The following C12orf76 variants were observed in gnomAD, a reference collection of about 807,000 sequenced individuals.
C12orf76 encodes the protein uncharacterized protein C12orf76.
In C12orf76, 6 loss-of-function variants were observed where a neutral mutation model predicts 6.8. The ratio of observed to expected loss-of-function variants is 0.88; its 90% confidence interval spans 0.48 to 1.73. The LOEUF (loss-of-function observed/expected upper bound fraction) is 1.73. C12orf76 is among the 40% of genes most tolerant of loss of function. The pLI is 0.01. For missense variants in C12orf76, 99 were observed against 98.2 expected, an observed-to-expected ratio of 1.01 and a Z score of -0.03; for synonymous variants, 56 against 43.7, an observed-to-expected ratio of 1.28 and a Z score of -1.11.
At chr12:110,045,825 G>C (rs1216944752) in intron 1 of C12orf76, 1 of 157,004 alleles carries the variant, frequency 6.4e-6, no homozygotes, top group African/African-American at 2.4e-5. Flanking sequence ...CGGGCACGGT[G>C]GTGGGTGCCT....
At chr12:110,059,082 C>A (rs1892725722) in exon 3 of C12orf76, 1 of 1,551,712 alleles carries the variant, frequency 6.4e-7, no homozygotes, top group African/African-American at 1.4e-5. Flanking sequence ...TGAACGCAGC[C>A]ATCTGGCTCC....
At position 110,042,309 on chromosome 12, in the gene C12orf76, C is replaced by T; in HGVS notation, c.*65G>A. The T allele has an allele frequency of 3.7e-6, 5 of 1,366,438 alleles. No individual in the cohort carries two copies. The highest frequency in any genetic ancestry group is 5.2e-6 in the Non-Finnish European group (5 of 957,178). 84.6% of individuals were successfully genotyped at this position (1,366,438 alleles called of 1,614,324 possible). On this transcript the variant is annotated 3_prime_UTR_variant, in exon 2 of 2. Coordinates refer to ENST00000615315, the MANE Select transcript of C12orf76 (RefSeq NM_001389625.1). ...AGGAAAGTTTTGGTTCCAACTTCTC[C>T]ACTGGCCTGTGTGCAACACAACTTA...
intron 1 of C12orf76, among the ~76,000 whole-genome samples, chr12:110,066,910 G>A (rs778680622): frequency 5.9e-5 from 9 of 152,146 alleles, no homozygotes; most frequent in Admixed American, 2.0e-4. Context: ...TCTCCATGGC[G>A]ACGGCCAGCC....
chr12:110,059,292 T>C, intron 2 of C12orf76: 2 of 1,146,694 alleles, frequency 1.7e-6, no homozygotes, highest in Non-Finnish European at 2.4e-6. Flanking sequence ...ATTCTCCATA[T>C]ATGGGATTGT....
chr12:110,071,815 G>A (rs1308168019), upstream of C12orf76, among the ~76,000 whole-genome samples: 1 of 152,132 alleles, frequency 6.6e-6, no homozygotes, highest in Non-Finnish European at 1.5e-5. Flanking sequence ...AATAACAAGA[G>A]TTGGTGAGGA....
At chr12:110,066,826 T>TGGCCACCCACTGGGAAATAGGTGTCC (rs1892875059) in intron 1 of C12orf76, among the ~76,000 whole-genome samples, 1 of 152,190 alleles carries the variant, frequency 6.6e-6, no homozygotes. Flanking sequence ...CACAGGTGTG[T>TGGCCACCCACTGGGAAATAGGTGTCC]GGCCACCCAC....
At chr12:110,057,445 C>T (rs767987846) in intron 3 of C12orf76, 13 of 624,236 alleles carry the variant, frequency 2.1e-5, no homozygotes, top group Non-Finnish European at 2.9e-5. Context: ...GCCTGCAGTG[C>T]GGCACGGAGA....
chr12:110,062,693 C>G (rs1038013829), intron 2 of C12orf76, among the ~76,000 whole-genome samples: 1 of 150,520 alleles, frequency 6.6e-6, no homozygotes, highest in Non-Finnish European at 1.5e-5. Context: ...AAACACGACT[C>G]ACTGCAGCCT....
At chr12:110,068,307 G>GAAGA (rs1892912355), upstream of C12orf76, among the ~76,000 whole-genome samples, 1 of 146,086 alleles carries the variant, frequency 6.8e-6, no homozygotes, top group African/African-American at 2.5e-5. Flanking sequence ...AGAAGAAGAA[G>GAAGA]AAGAAGAAGA....
chr12:110,051,079 A>G, upstream of C12orf76: 1 of 780,452 alleles, frequency 1.3e-6, no homozygotes, highest in Non-Finnish European at 2.4e-6. Context: ...CTCCTCTTTC[A>G]CTTCTGCTGT....
upstream of C12orf76, among the ~76,000 whole-genome samples, chr12:110,051,505 C>A (rs1428608292): frequency 6.6e-6 from 1 of 151,792 alleles, no homozygotes; most frequent in Admixed American, 6.6e-5. Context: ...CGGCTCACTG[C>A]AACCTCCGCC....
intron 2 of C12orf76, chr12:110,059,185 A>G (rs1892728138): frequency 6.5e-7 from 1 of 1,536,536 alleles, no homozygotes; most frequent in African/African-American, 1.4e-5. Context: ...AAAAATGCAC[A>G]CACACAATTA....
In C12orf76 at chr12:110,063,387, G is replaced by A. The variant is rs538048094; in HGVS notation, n.380+2473C>T. On this transcript the variant is annotated intron_variant and non_coding_transcript_variant, in intron 2 of 4. Transcript: ENST00000309050. ...CAACTGCTGCCTCCCGGGGTCAAGC[G>A]ATTTTCCTGCCTCAGCCTCCGAGTA... Among the ~76,000 whole-genome samples the A allele has an allele frequency of 4.1e-4, 62 of 151,804 alleles. 1 individual carries two copies. Among genetic ancestry groups the A allele is most frequent in the Non-Finnish European group, 6.5e-4 (44 of 67,944 alleles).
chr12:110,042,261 C>A lies in C12orf76; in HGVS notation c.*113G>T. ...ATTCATTTAGCATTTACCAACTGTC[C>A]AGACCAAAGGTCATTTCCAAGTAGG... On this transcript the variant is annotated 3_prime_UTR_variant, in exon 2 of 2. Coordinates refer to ENST00000615315, the MANE Select transcript of C12orf76 (RefSeq NM_001389625.1). 1.3e-6 allele frequency: 1 copy of A among 792,776 alleles called. No homozygotes were observed. The highest frequency in any genetic ancestry group is 2.2e-6 in the Non-Finnish European group (1 of 451,722). 49.1% of individuals were successfully genotyped at this position (792,776 alleles called of 1,614,324 possible).
At chr12:110,056,773 A>T (rs1475965978) in intron 4 of C12orf76, 1 of 178,420 alleles carries the variant, frequency 5.6e-6, no homozygotes, top group Non-Finnish European at 1.2e-5. Context: ...GTCTTATGAG[A>T]TCTGATGGTT....
At chr12:110,055,491 G>A (rs1033319874) in intron 4 of C12orf76, among the ~76,000 whole-genome samples, 1 of 152,168 alleles carries the variant, frequency 6.6e-6, no homozygotes, top group South Asian at 2.1e-4. Flanking sequence ...ACAGGCGTGA[G>A]TCACCGTGCC....
intron 1 of C12orf76, 68 bp downstream of exon 1, chr12:110,048,279 CGCTCCGTACATGCCCG>C: frequency 1.4e-6 from 2 of 1,396,368 alleles, no homozygotes; most frequent in Non-Finnish European, 1.9e-6. Flanking sequence ...ATCCCCTGTC[CGCTCCGTACATGCCCG>C]GCTCCAGCAC....
upstream of C12orf76, among the ~76,000 whole-genome samples, chr12:110,071,962 T>C (rs1219198689): frequency 1.3e-5 from 2 of 152,178 alleles, no homozygotes; most frequent in Non-Finnish European, 2.9e-5. Flanking sequence ...CTTAGGTACA[T>C]ATTCAAGGGA....
rs1693113244 is a variant in C12orf76, at chr12:110,048,417, CG to C, written c.78del (p.Val27TrpfsTer20). The C allele has an allele frequency of 1.3e-6, 2 of 1,514,790 alleles. No homozygotes were observed. Among genetic ancestry groups the C allele is most frequent in the Admixed American group, 2.0e-5 (1 of 49,186 alleles). The allele number at this position is 1,514,790 out of a possible 1,614,324, so 93.8% of individuals were successfully genotyped here. A position where few individuals can be genotyped will look rare whatever the true frequency, so the allele number is the denominator to read the frequency against. ...LLVGEAEAPS[P>X]VDPLERSRPY... is the part of the protein sequence containing the mutation. Reference sequence around the variant, plus strand: ...GGCCGGCTCCGCTCCAGCGGATCCACGGGGCTCGGGGCCTCTGCCTCCCCCA... The same window carrying C: ...GGCCGGCTCCGCTCCAGCGGATCCACGGGCTCGGGGCCTCTGCCTCCCCCA... On this transcript the variant is annotated frameshift_variant, in exon 1 of 2. Transcript: ENST00000615315. LOFTEE classifies it high-confidence loss of function.
Sources: allele counts gnomAD v4.1 joint callset (sites outside exome capture counted in the v4.1 genomes callset), GRCh38; gene constraint gnomAD v4.1.1; transcripts MANE v1.5; gene names NCBI Gene and HGNC (gene_info 2026-07-23, HGNC 2026-07-21).